ASB3: variants seen among roughly 807,000 people sequenced by gnomAD.
ASB3 encodes ankyrin repeat and SOCS box containing 3, also known as ankyrin repeat and SOCS box protein 3.
A neutral mutation model predicts 54.5 loss-of-function variants in ASB3; 41 were observed. The observed-to-expected ratio is 0.75, with a 90% CI of 0.59 to 0.98. The LOEUF (loss-of-function observed/expected upper bound fraction) is 0.98, where lower values mean the gene tolerates loss of function less well. Among genes scored for constraint, ASB3 ranks in the 50% least tolerant of loss-of-function variants. ASB3 has a pLI of 0.00. For synonymous variants in ASB3, 266 were observed against 221.2 expected, an observed-to-expected ratio of 1.20 and a Z score of -1.80; for missense variants, 733 against 620.0, an observed-to-expected ratio of 1.18 and a Z score of -1.94.
At chr2:53,761,182 A>G (rs1486745281) in intron 2 of ASB3, among the ~76,000 whole-genome samples, 1 of 152,162 alleles carries the variant, frequency 6.6e-6, no homozygotes, top group African/African-American at 2.4e-5. Flanking sequence ...ACCTACCTTT[A>G]AACACCGGGC....
At chr2:53,776,422 TC>T (rs1449719603) in intron 1 of ASB3, among the ~76,000 whole-genome samples, 2 of 152,214 alleles carry the variant, frequency 1.3e-5, no homozygotes, top group African/African-American at 2.4e-5. Flanking sequence ...TATCAAATGT[TC>T]CTGTTATGCC....
intron 7 of ASB3, among the ~76,000 whole-genome samples, chr2:53,710,867 C>CG (rs1670054947): frequency 6.6e-6 from 1 of 152,104 alleles, no homozygotes; most frequent in African/African-American, 2.4e-5. Context: ...TGGCTCACGC[C>CG]TGTAATCCCA....
At chr2:53,706,773 C>T (rs1669796644) in intron 7 of ASB3, among the ~76,000 whole-genome samples, 1 of 152,064 alleles carries the variant, frequency 6.6e-6, no homozygotes, top group African/African-American at 2.4e-5. Context: ...AGGAAGTCTT[C>T]CCCCAGCATT....
At chr2:53,694,232 T>C in intron 8 of ASB3, 1 of 455,474 alleles carries the variant, frequency 2.2e-6, no homozygotes, top group Non-Finnish European at 3.8e-6. Flanking sequence ...TATGTAGCTG[T>C]CTAAGAGATG....
chr2:53,756,603 T>C (rs1208666187), intron 2 of ASB3, among the ~76,000 whole-genome samples: 1 of 152,132 alleles, frequency 6.6e-6, no homozygotes, highest in Non-Finnish European at 1.5e-5. Context: ...GCAGGCATCA[T>C]GTAATCCTTC....
chr2:53,683,768 G>C (rs1290609077), intron 9 of ASB3, among the ~76,000 whole-genome samples: 1 of 152,012 alleles, frequency 6.6e-6, no homozygotes, highest in African/African-American at 2.4e-5. Flanking sequence ...TGGCATAGTA[G>C]CTTCTAATGA....
At chr2:53,741,916 G>A (rs935116923) in intron 3 of ASB3, among the ~76,000 whole-genome samples, 1 of 152,058 alleles carries the variant, frequency 6.6e-6, no homozygotes, top group African/African-American at 2.4e-5. Context: ...AAAGAATGAC[G>A]ATCAATCCTG....
At chr2:53,746,728 C>G (rs149648979) in intron 3 of ASB3, among the ~76,000 whole-genome samples, 5,662 of 152,214 alleles carry the variant, frequency 0.037, 150 homozygotes, top group Non-Finnish European at 0.061. Flanking sequence ...GATCCGCCCG[C>G]CTCGGCCTCC....
intron 3 of ASB3, among the ~76,000 whole-genome samples, chr2:53,749,297 A>C (rs1187782377): frequency 6.6e-6 from 1 of 152,076 alleles, no homozygotes; most frequent in African/African-American, 2.4e-5. Context: ...AGGGAGAAAA[A>C]GAAAAAGCTG....
intron 5 of ASB3, among the ~76,000 whole-genome samples, chr2:53,727,987 A>C (rs1344380259): frequency 6.6e-6 from 1 of 152,052 alleles, no homozygotes; most frequent in East Asian, 1.9e-4. Context: ...TGGCCTCCCA[A>C]AGTGCTGGGA....
At chr2:53,776,825 C>G (rs945273521) in intron 1 of ASB3, among the ~76,000 whole-genome samples, 2 of 152,040 alleles carry the variant, frequency 1.3e-5, no homozygotes, top group Non-Finnish European at 2.9e-5. Context: ...TCTCAAAAAA[C>G]TAAAATAAAA....
At chr2:53,697,458 G>A (rs1411454120) in intron 8 of ASB3, among the ~76,000 whole-genome samples, 1 of 151,918 alleles carries the variant, frequency 6.6e-6, no homozygotes, top group African/African-American at 2.4e-5. Context: ...CTATGGACTT[G>A]CCCCGAATTC....
At chr2:53,715,431 G>C (rs968057269) in intron 6 of ASB3, among the ~76,000 whole-genome samples, 1 of 152,086 alleles carries the variant, frequency 6.6e-6, no homozygotes, top group South Asian at 2.1e-4. Context: ...TAACATTTAA[G>C]TAGAACTTAC....
chr2:53,729,611 G>C (rs761155524), intron 3 of ASB3, 41 bp from the exon 4 acceptor site: 53 of 1,581,332 alleles, frequency 3.4e-5, no homozygotes, highest in Non-Finnish European at 4.3e-5. Context: ...CAGCAAAAAG[G>C]CATGTTTGTA....
intron 9 of ASB3, among the ~76,000 whole-genome samples, chr2:53,681,975 T>C (rs1381516527): frequency 1.3e-5 from 2 of 151,906 alleles, no homozygotes; most frequent in African/African-American, 4.8e-5. Context: ...CTGGCCAATA[T>C]GGTGAAACCT....
intron 1 of ASB3, chr2:53,774,244 G>T: frequency 6.2e-7 from 1 of 1,614,096 alleles, no homozygotes; most frequent in Non-Finnish European, 8.5e-7. Context: ...AACCACAACA[G>T]TCATTTTTTA....
At chr2:53,730,535 T>C (rs1255889202) in intron 3 of ASB3, among the ~76,000 whole-genome samples, 2 of 152,186 alleles carry the variant, frequency 1.3e-5, no homozygotes, top group Non-Finnish European at 2.9e-5. Flanking sequence ...TACAGTAGAA[T>C]GATTTCTATT....
intron 1 of ASB3, among the ~76,000 whole-genome samples, chr2:53,769,769 G>A (rs1297355326): frequency 6.6e-6 from 1 of 152,204 alleles, no homozygotes; most frequent in Non-Finnish European, 1.5e-5. Context: ...AATCGCTTGG[G>A]AGGCAGACGT....
intron 9 of ASB3, among the ~76,000 whole-genome samples, chr2:53,687,683 A>G (rs1290208329): frequency 6.6e-6 from 1 of 152,236 alleles, no homozygotes; most frequent in Non-Finnish European, 1.5e-5. Context: ...TTTATTGAAC[A>G]TGTCCTTTAA....
Sources: gnomAD v4.1 joint callset for allele counts (sites outside exome capture counted in the v4.1 genomes callset) on GRCh38, gnomAD v4.1.1 for gene constraint, MANE v1.5 for transcripts, NCBI Gene and HGNC (gene_info 2026-07-23, HGNC 2026-07-21) for gene names.